The following RBM41 variants were observed in gnomAD, a reference collection of about 807,000 sequenced individuals.
RBM41 encodes RNA binding motif protein 41.
RBM41 carries 14 observed loss-of-function variants against 30.8 expected under a neutral mutation model. That is an observed-to-expected ratio of 0.45 (90% confidence interval 0.30 to 0.71). RBM41 has a LOEUF of 0.71. Among genes scored for constraint, RBM41 ranks in the 30% least tolerant of loss-of-function variants. The pLI is 0.08. For synonymous variants in RBM41, 120 were observed against 110.1 expected (o/e 1.09, Z -0.56); for missense variants, 276 against 326.3 (o/e 0.85, Z 1.19).
At chrX:107,085,563 G>A (rs990993570) in intron 6 of RBM41, among the ~76,000 whole-genome samples, 5 of 111,305 alleles carry the variant, frequency 4.5e-5, no homozygotes, top group African/African-American at 1.6e-4. Context: ...TTATTGTTTC[G>A]TATGTTCACC....
chrX:107,063,805 T>C lies in RBM41; in HGVS notation c.*3722A>G, dbSNP rs1935733505. Among the ~76,000 whole-genome samples the C allele has an allele frequency of 9.0e-6, 1 of 111,039 alleles. No homozygotes were observed. Among genetic ancestry groups the C allele is most frequent in the Non-Finnish European group, 1.9e-5 (1 of 53,032 alleles). On this transcript the variant is annotated 3_prime_UTR_variant, in exon 8 of 8. Transcript: ENST00000685964. ...TAGAATCAACTTTTGGTTGCATTGATTTTTCTCTACTTTTCTTCACTCTAT... is the reference window on the plus strand; with the variant it reads ...TAGAATCAACTTTTGGTTGCATTGACTTTTCTCTACTTTTCTTCACTCTAT...
chrX:107,064,454 G>A lies in RBM41; in HGVS notation c.*3073C>T, dbSNP rs2147856930. ...AGGGTCTTGCTGTGTTGCCCAGGCTGGTCTTGAATTCCTGGTCTCAAGGGA... is the reference window on the plus strand; with the variant it reads ...AGGGTCTTGCTGTGTTGCCCAGGCTAGTCTTGAATTCCTGGTCTCAAGGGA... On this transcript the variant is annotated 3_prime_UTR_variant, in exon 8 of 8. Transcript: ENST00000685964. The A allele has an allele frequency of 9.5e-6, 1 of 105,668 alleles. No homozygotes were observed. The highest frequency in any genetic ancestry group is 3.0e-4 in the East Asian group (1 of 3,355). 8.7% of individuals were successfully genotyped at this position (105,668 alleles called of 1,213,427 possible). A position where few individuals can be genotyped will look rare whatever the true frequency, so the allele number is the denominator to read the frequency against.
At chrX:107,113,334 T>C in intron 5 of RBM41, 63 bp downstream of exon 5, 1 of 975,811 alleles carries the variant, frequency 1.0e-6, no homozygotes, top group Non-Finnish European at 1.3e-6. Context: ...ATTAAATAAG[T>C]GCTCAACTGG....
rs1922277383 is a variant in RBM41, at chrX:107,088,894, T to C, written c.596-55A>G. The C allele has an allele frequency of 6.2e-6, 7 of 1,134,786 alleles. No homozygotes were observed. The South Asian group carries it at 1.6e-4, about 26-fold the overall frequency. 93.5% of individuals were successfully genotyped at this position (1,134,786 alleles called of 1,213,427 possible). A position where few individuals can be genotyped will look rare whatever the true frequency, so the allele number is the denominator to read the frequency against. On this transcript the variant is annotated intron_variant, in intron 5 of 7. Transcript: ENST00000685964. ...CTACAAAGCCTACCAATACAACCTT[T>C]GGCAAATTAATAAAAATTAAATCCT...
intron 7 of RBM41, among the ~76,000 whole-genome samples, chrX:107,068,261 G>A (rs1236257043): frequency 1.8e-5 from 2 of 111,033 alleles, no homozygotes; most frequent in African/African-American, 6.5e-5. Flanking sequence ...AAGAAATAAG[G>A]AAGGGATGAT....
At chrX:107,105,159 T>C (rs5917034) in intron 5 of RBM41, among the ~76,000 whole-genome samples, 19,780 of 110,564 alleles carry the variant, frequency 0.18, 1,877 homozygotes, top group Non-Finnish European at 0.26. Context: ...TGATAGGCAA[T>C]TTCAGCAAAG....
intron 5 of RBM41, among the ~76,000 whole-genome samples, chrX:107,100,921 A>G (rs1384267176): frequency 1.8e-5 from 2 of 112,407 alleles, no homozygotes; most frequent in Non-Finnish European, 3.8e-5. Flanking sequence ...ACTATACTTC[A>G]ATGAAAATGA....
At chrX:107,116,438 A>G (rs891365976) in intron 2 of RBM41, among the ~76,000 whole-genome samples, 3 of 112,013 alleles carry the variant, frequency 2.7e-5, no homozygotes, top group African/African-American at 9.8e-5. Flanking sequence ...GGGATGCTGT[A>G]GGAGGACATA....
intron 2 of RBM41, 170 bp from the exon 3 acceptor site, chrX:107,116,224 C>T: frequency 1.0e-6 from 1 of 977,167 alleles, no homozygotes. Flanking sequence ...ATCGAGAGTG[C>T]CGTCATCCAG....
chrX:107,073,500 G>A (rs1418537485), intron 6 of RBM41, among the ~76,000 whole-genome samples: 4 of 112,036 alleles, frequency 3.6e-5, no homozygotes, highest in Non-Finnish European at 7.5e-5. Context: ...AAATGCTGGT[G>A]AGGATGTGGA....
chrX:107,080,259 T>C (rs1432686655), intron 6 of RBM41, among the ~76,000 whole-genome samples: 1 of 107,748 alleles, frequency 9.3e-6, no homozygotes, highest in Non-Finnish European at 1.9e-5. Context: ...CCAGACTTCA[T>C]GACTGTGAAA....
rs1935872573 is a variant in RBM41 at position 107,067,178 on chromosome X, G to C, written c.*349C>G. 1.3e-6 allele frequency: 1 copy of C among 762,185 alleles called. No individual in the cohort carries two copies. The highest frequency in any genetic ancestry group is 1.6e-6 in the Non-Finnish European group (1 of 644,186). 62.8% of individuals were successfully genotyped at this position (762,185 alleles called of 1,213,427 possible). Reference sequence around the variant, plus strand: ...AGTTTTTTATTTCTGTGTATACGAAGCAGTCTAAGAAAGAATGTTATCTCT... The same window carrying C: ...AGTTTTTTATTTCTGTGTATACGAACCAGTCTAAGAAAGAATGTTATCTCT... On this transcript the variant is annotated 3_prime_UTR_variant, in exon 8 of 8. Transcript: ENST00000685964.
chrX:107,075,993 C>T (rs1277225404), intron 6 of RBM41, among the ~76,000 whole-genome samples: 1 of 111,391 alleles, frequency 9.0e-6, no homozygotes, highest in Non-Finnish European at 1.9e-5. Context: ...TGTCCACTGA[C>T]TGATGAATAG....
chrX:107,113,593 CT>C, intron 4 of RBM41, 125 bp from the exon 5 acceptor site: 15 of 824,479 alleles, frequency 1.8e-5, no homozygotes, highest in Non-Finnish European at 2.3e-5. Context: ...TCACTTAATC[CT>C]CTTAGTAACC....
intron 5 of RBM41, among the ~76,000 whole-genome samples, chrX:107,092,782 A>G (rs1222456131): frequency 8.9e-6 from 1 of 111,751 alleles, no homozygotes; most frequent in Admixed American, 9.5e-5. Flanking sequence ...ATGTGTATAC[A>G]CAGTGCAAAT....
rs186674433 is a variant in RBM41 at position 107,065,256 on chromosome X, T to C, written c.*2271A>G. 1 of 112,505 alleles carries C rather than the reference T, an allele frequency of 8.9e-6. No individual in the cohort carries two copies. Among genetic ancestry groups the C allele is most frequent in the East Asian group, 2.8e-4 (1 of 3,601 alleles). The allele number at this position is 112,505 out of a possible 1,213,427, so 9.3% of individuals were successfully genotyped here. On this transcript the variant is annotated 3_prime_UTR_variant, in exon 8 of 8. Coordinates refer to ENST00000685964, the MANE Select transcript of RBM41 (RefSeq NM_001324242.2). The stretch of plus-strand genomic sequence containing the variant: ...TAATCCATGCACATTGTTATTTTGA[T>C]ATAGGAAGACTTATGACTGCCATTT...
At chrX:107,106,660 C>A (rs375378249) in intron 5 of RBM41, among the ~76,000 whole-genome samples, 13 of 110,801 alleles carry the variant, frequency 1.2e-4, no homozygotes, top group East Asian at 8.5e-4. Context: ...AAAATGTGGC[C>A]CATATACACC....
chrX:107,057,237 G>A (rs763983537), downstream of RBM41, among the ~76,000 whole-genome samples: 14 of 109,899 alleles, frequency 1.3e-4, no homozygotes, highest in South Asian at 5.0e-3. Flanking sequence ...CATTTTTATA[G>A]TTCCTTAAGG....
At position 107,063,565 on chromosome X, in the gene RBM41, G is replaced by A. The variant is rs1470367993; in HGVS notation, c.*3962C>T. Among the ~76,000 whole-genome samples the A allele has an allele frequency of 8.9e-6, 1 of 112,042 alleles. No homozygotes were observed. The highest frequency in any genetic ancestry group is 3.2e-5 in the African/African-American group (1 of 30,829). On this transcript the variant is annotated 3_prime_UTR_variant, in exon 8 of 8. Coordinates refer to ENST00000685964, the MANE Select transcript of RBM41 (RefSeq NM_001324242.2). ...AGGTTTATTCAAGTTTTCTACTTCTGAGTTGGTTTTGGTAGTTTGTGTCTT... is the reference window on the plus strand; with the variant it reads ...AGGTTTATTCAAGTTTTCTACTTCTAAGTTGGTTTTGGTAGTTTGTGTCTT...
Sources: allele counts gnomAD v4.1 joint callset (sites outside exome capture counted in the v4.1 genomes callset), GRCh38; gene constraint gnomAD v4.1.1; transcripts MANE v1.5; gene names NCBI Gene and HGNC (gene_info 2026-07-23, HGNC 2026-07-21).